The following GPR107 variants were observed in gnomAD, a reference collection of about 807,000 sequenced individuals.
GPR107 encodes protein GPR107.
Under a neutral mutation model 75.5 loss-of-function variants are expected in GPR107, and 31 were observed. The ratio of observed to expected loss-of-function variants is 0.41; its 90% CI spans 0.31 to 0.55. The LOEUF is 0.55. Ranked by LOEUF, GPR107 falls within the 20% of genes least tolerant of loss-of-function variation. The probability of loss-of-function intolerance (pLI) is 0.26; values close to 1 mark genes in which losing one functional copy is unlikely to be tolerated. For synonymous variants in GPR107, 267 were observed against 251.3 expected (o/e 1.06, Z -0.59); for missense variants, 572 against 665.7 (o/e 0.86, Z 1.55).
chr9:130,088,220 G>T lies in GPR107; in HGVS notation c.621+1744G>T, dbSNP rs144712934. Among the ~76,000 whole-genome samples the T allele has an allele frequency of 9.3e-4, 142 of 152,160 alleles. 1 individual carries two copies. The highest frequency in any genetic ancestry group is 3.4e-3 in the Middle Eastern group (1 of 294). On this transcript the variant is annotated intron_variant, in intron 7 of 17. Transcript: ENST00000347136. Reference sequence around the variant, plus strand: ...TGTCTCTCTGATCTCAGCTCCTGTTGTTCACACTCTGCTCTCCCACACAAG... The same window carrying T: ...TGTCTCTCTGATCTCAGCTCCTGTTTTTCACACTCTGCTCTCCCACACAAG...
chr9:130,083,521 A>C, intron 5 of GPR107, 44 bp from the exon 6 acceptor site: 2 of 1,297,502 alleles, frequency 1.5e-6, no homozygotes, highest in Non-Finnish European at 2.1e-6. Context: ...TGTATCTGTA[A>C]GTTGAGTCAT....
chr9:130,111,399 G>A (rs1831298103), intron 14 of GPR107, among the ~76,000 whole-genome samples: 1 of 151,978 alleles, frequency 6.6e-6, no homozygotes, highest in Admixed American at 6.6e-5. Flanking sequence ...GGGCTTGATG[G>A]CACACGCCTG....
chr9:130,104,090 A>G (rs183051648), intron 12 of GPR107, among the ~76,000 whole-genome samples: 77 of 152,284 alleles, frequency 5.1e-4, no homozygotes, highest in Middle Eastern at 3.4e-3. Flanking sequence ...GGGTAGTTTC[A>G]GGGTAGCCAG....
At chr9:130,092,512 CAG>C (rs1830766524) in intron 9 of GPR107, 131 bp downstream of exon 9, 2 of 749,400 alleles carry the variant, frequency 2.7e-6, no homozygotes, top group Non-Finnish European at 4.7e-6. Flanking sequence ...TTCCCGGAAA[CAG>C]TATGAAGATT....
intron 5 of GPR107, among the ~76,000 whole-genome samples, chr9:130,081,371 C>G (rs1161967017): frequency 1.3e-5 from 2 of 151,732 alleles, no homozygotes; most frequent in Non-Finnish European, 2.9e-5. Flanking sequence ...AACCCCATCT[C>G]TACTAAAAAT....
At position 130,091,126 on chromosome 9, in the gene GPR107, A is replaced by C. The variant is rs900143451; in HGVS notation, c.729+143A>C. On this transcript the variant is annotated intron_variant, in intron 8 of 17. Coordinates refer to ENST00000347136, the MANE Select transcript of GPR107 (RefSeq NM_020960.5). The stretch of plus-strand genomic sequence containing the variant: ...TTCCTGCCACTGTGCAGGATACTTC[A>C]GCAGAGGATTCATAGGAAAATACAA... The C allele has an allele frequency of 8.1e-6, 5 of 614,424 alleles. No individual in the cohort carries two copies. In the East Asian group the frequency reaches 1.2e-4, roughly 15 times the overall value. 38.1% of individuals were successfully genotyped at this position (614,424 alleles called of 1,614,324 possible).
intron 1 of GPR107, among the ~76,000 whole-genome samples, chr9:130,058,178 C>G (rs1184896889): frequency 6.6e-6 from 1 of 152,004 alleles, no homozygotes; most frequent in Non-Finnish European, 1.5e-5. Flanking sequence ...AGGAAATACT[C>G]CTTGCCTTTT....
chr9:130,104,380 A>C, intron 12 of GPR107, 40 bp from the exon 13 acceptor site: 1 of 1,605,092 alleles, frequency 6.2e-7, no homozygotes, highest in Non-Finnish European at 8.5e-7. Flanking sequence ...ATAACAGTCC[A>C]CCCATGCTTT....
intron 14 of GPR107, among the ~76,000 whole-genome samples, chr9:130,115,696 C>CAG (rs34150989): frequency 0.97 from 146,101 of 150,058 alleles, 71,152 homozygotes; most frequent in East Asian, 1. Flanking sequence ...AACCGGGAGA[C>CAG]AGCTTGCAGT....
chr9:130,077,973 G>A (rs1830397297), intron 4 of GPR107, among the ~76,000 whole-genome samples: 1 of 152,098 alleles, frequency 6.6e-6, no homozygotes, highest in Admixed American at 6.6e-5. Context: ...AGACCATCCT[G>A]GCTAAAACAG....
At chr9:130,055,639 A>G (rs959796258) in intron 1 of GPR107, among the ~76,000 whole-genome samples, 7 of 152,146 alleles carry the variant, frequency 4.6e-5, no homozygotes, top group African/African-American at 1.7e-4. Flanking sequence ...TAAAGAATAC[A>G]GAATGAAATT....
chr9:130,105,652 A>T (rs1038005692), intron 13 of GPR107, among the ~76,000 whole-genome samples: 3 of 151,808 alleles, frequency 2.0e-5, no homozygotes, highest in Admixed American at 6.6e-5. Flanking sequence ...ACATGGTGCA[A>T]ATGGAGAGTA....
chr9:130,084,047 C>CATACATATATATATAT, intron 6 of GPR107, among the ~76,000 whole-genome samples: 1 of 130,908 alleles, frequency 7.6e-6, no homozygotes, highest in Non-Finnish European at 1.6e-5. Flanking sequence ...AGAGAGCTAA[C>CATACATATATATATAT]ATATATATAT....
intron 1 of GPR107, among the ~76,000 whole-genome samples, chr9:130,059,148 C>G (rs954818581): frequency 6.6e-6 from 1 of 152,192 alleles, no homozygotes; most frequent in African/African-American, 2.4e-5. Flanking sequence ...TATGAGAGTT[C>G]TCTTTCTTCA....
chr9:130,073,498 T>C lies in GPR107; in HGVS notation c.142-2138T>C, dbSNP rs1400797544. On this transcript the variant is annotated intron_variant, in intron 1 of 17. Coordinates refer to ENST00000347136, the MANE Select transcript of GPR107 (RefSeq NM_020960.5). ...CCAGGAGATGACCTCTGTTATCTTATCTGGCTTTTCTAATTGTTCTCTGTG... is the reference window on the plus strand; with the variant it reads ...CCAGGAGATGACCTCTGTTATCTTACCTGGCTTTTCTAATTGTTCTCTGTG... 2.0e-5 allele frequency among the ~76,000 whole-genome samples: 3 copies of C among 152,210 alleles called. No homozygotes were observed. In the East Asian group the frequency reaches 5.8e-4, roughly 29 times the overall value.
intron 5 of GPR107, among the ~76,000 whole-genome samples, 199 bp downstream of exon 5, chr9:130,079,968 T>C (rs991458368): frequency 1.2e-4 from 18 of 152,222 alleles, no homozygotes; most frequent in Non-Finnish European, 2.1e-4. Context: ...CATTTCTCCT[T>C]ATTCCCAGTG....
intron 14 of GPR107, among the ~76,000 whole-genome samples, chr9:130,111,874 G>A (rs1038562457): frequency 7.2e-5 from 11 of 152,032 alleles, no homozygotes; most frequent in African/African-American, 2.2e-4. Context: ...CCTGTCACGC[G>A]CAGTGGCTTC....
chr9:130,088,870 T>A (rs974018539), intron 7 of GPR107, among the ~76,000 whole-genome samples: 1 of 152,044 alleles, frequency 6.6e-6, no homozygotes, highest in Non-Finnish European at 1.5e-5. Context: ...ATAAAATGAG[T>A]TTTTAAAATG....
intron 7 of GPR107, among the ~76,000 whole-genome samples, chr9:130,089,911 GA>G (rs1203197928): frequency 6.6e-6 from 1 of 152,094 alleles, no homozygotes; most frequent in East Asian, 1.9e-4. Context: ...ACATGCAGAA[GA>G]GTGTGAAGCA....
Sources: gnomAD v4.1 joint callset for allele counts (sites outside exome capture counted in the v4.1 genomes callset) on GRCh38, gnomAD v4.1.1 for gene constraint, MANE v1.5 for transcripts, NCBI Gene and HGNC (gene_info 2026-07-23, HGNC 2026-07-21) for gene names.